Variants in BMP5 observed in about 807,000 individuals in gnomAD.
BMP5 encodes the protein bone morphogenetic protein 5.
In BMP5, 23 loss-of-function variants were observed where a neutral mutation model predicts 46.6. The observed-to-expected ratio is 0.49, with a 90% CI of 0.35 to 0.70. BMP5 has a LOEUF of 0.70. Ranked by LOEUF, BMP5 falls within the 30% of genes least tolerant of loss-of-function variation. The pLI is 0.00. For missense variants in BMP5, 545 were observed against 565.6 expected (o/e 0.96, Z 0.37); for synonymous variants, 204 against 191.9 (o/e 1.06, Z -0.52).
At chr6:55,841,591 C>G (rs1365430453) in intron 1 of BMP5, among the ~76,000 whole-genome samples, 1 of 142,432 alleles carries the variant, frequency 7.0e-6, no homozygotes, top group Non-Finnish European at 1.5e-5. Context: ...TGTCACAGGT[C>G]TGGTGGTGGT....
In BMP5 at chr6:55,760,550, C is replaced by T. The variant is rs755364451; in HGVS notation, c.1028-17G>A. 3 of 1,607,150 alleles carry T rather than the reference C, an allele frequency of 1.9e-6. No individual in the cohort carries two copies. The highest frequency in any genetic ancestry group is 1.7e-5 in the Admixed American group (1 of 59,836). On this transcript the variant is annotated splice_polypyrimidine_tract_variant and intron_variant, in intron 4 of 6. Coordinates refer to ENST00000370830, the MANE Select transcript of BMP5 (RefSeq NM_021073.4). Reference sequence around the variant, plus strand: ...TGTTATAATCTGAAGATAAAAACCACATTTTGAATAAATGGTTGCTTACAG... The same window carrying T: ...TGTTATAATCTGAAGATAAAAACCATATTTTGAATAAATGGTTGCTTACAG...
At chr6:55,867,725 G>A (rs964261393) in intron 1 of BMP5, among the ~76,000 whole-genome samples, 11 of 152,076 alleles carry the variant, frequency 7.2e-5, no homozygotes, top group African/African-American at 2.2e-4. Flanking sequence ...ATTTTCATTT[G>A]CATCAGGGTC....
chr6:55,861,562 G>A (rs373910730), intron 1 of BMP5, among the ~76,000 whole-genome samples: 1 of 152,256 alleles, frequency 6.6e-6, no homozygotes, highest in East Asian at 1.9e-4. Context: ...ACAAATGTCA[G>A]TATCTTTGGT....
chr6:55,832,561 T>C (rs1395388369), intron 1 of BMP5, among the ~76,000 whole-genome samples: 1 of 152,230 alleles, frequency 6.6e-6, no homozygotes. Flanking sequence ...TGGTTTTACA[T>C]GTACTTATAT....
At chr6:55,789,066 T>C (rs913330546) in intron 3 of BMP5, among the ~76,000 whole-genome samples, 20 of 151,896 alleles carry the variant, frequency 1.3e-4, no homozygotes, top group Non-Finnish European at 2.5e-4. Flanking sequence ...GTTTTCAAAA[T>C]GGCTCTTAAG....
intron 1 of BMP5, among the ~76,000 whole-genome samples, chr6:55,841,831 G>C (rs1362682645): frequency 6.6e-6 from 1 of 151,904 alleles, no homozygotes; most frequent in East Asian, 1.9e-4. Context: ...TCCAAATATA[G>C]TCACATTCTG....
chr6:55,779,196 A>C (rs1327874454), intron 3 of BMP5, among the ~76,000 whole-genome samples: 1 of 152,056 alleles, frequency 6.6e-6, no homozygotes, highest in Admixed American at 6.6e-5. Flanking sequence ...AGTTTGAAAA[A>C]CATTCATTTG....
At chr6:55,871,834 T>G (rs1777794303) in intron 1 of BMP5, among the ~76,000 whole-genome samples, 1 of 151,812 alleles carries the variant, frequency 6.6e-6, no homozygotes, top group Non-Finnish European at 1.5e-5. Context: ...TTTCACATAT[T>G]TAAATATCCA....
At chr6:55,852,031 A>G (rs1194853554) in intron 1 of BMP5, among the ~76,000 whole-genome samples, 3 of 152,066 alleles carry the variant, frequency 2.0e-5, no homozygotes, top group Non-Finnish European at 4.4e-5. Context: ...CCCCCAAAGT[A>G]TTGTTTTTAT....
At chr6:55,780,190 C>A (rs1466050701) in intron 3 of BMP5, among the ~76,000 whole-genome samples, 1 of 146,598 alleles carries the variant, frequency 6.8e-6, no homozygotes, top group African/African-American at 2.6e-5. Context: ...TACAAACAAG[C>A]ATAGGATTCT....
At chr6:55,761,419 T>G (rs1254940891) in intron 4 of BMP5, among the ~76,000 whole-genome samples, 3 of 152,096 alleles carry the variant, frequency 2.0e-5, no homozygotes, top group Non-Finnish European at 4.4e-5. Context: ...GAGTGAAATA[T>G]TCTCAGAGTG....
At chr6:55,799,377 A>C (rs561487819) in intron 2 of BMP5, among the ~76,000 whole-genome samples, 5 of 152,324 alleles carry the variant, frequency 3.3e-5, no homozygotes, top group African/African-American at 1.2e-4. Flanking sequence ...GTATTTACAA[A>C]AAGGGGGAAG....
At chr6:55,860,631 A>T (rs1164812225) in intron 1 of BMP5, among the ~76,000 whole-genome samples, 1 of 152,210 alleles carries the variant, frequency 6.6e-6, no homozygotes, top group Non-Finnish European at 1.5e-5. Context: ...AAGAAGCAGC[A>T]GGTGATGTCT....
At chr6:55,864,038 T>TA (rs75976345) in intron 1 of BMP5, among the ~76,000 whole-genome samples, 8 of 150,726 alleles carry the variant, frequency 5.3e-5, no homozygotes, top group Admixed American at 2.0e-4. Flanking sequence ...ATCACACATA[T>TA]AAAAAAAAAG....
At chr6:55,774,408 G>C (rs1775122486) in intron 3 of BMP5, among the ~76,000 whole-genome samples, 165 bp from the exon 4 acceptor site, 1 of 151,854 alleles carries the variant, frequency 6.6e-6, no homozygotes, top group Non-Finnish European at 1.5e-5. Context: ...TACTATTACA[G>C]ACAATTATCC....
intron 6 of BMP5, among the ~76,000 whole-genome samples, chr6:55,757,327 AT>A (rs1774633636): frequency 6.6e-6 from 1 of 151,914 alleles, no homozygotes. Context: ...GAGGCAAAGA[AT>A]TTTCTGAGAA....
At chr6:55,759,297 T>A (rs1385322818) in intron 5 of BMP5, among the ~76,000 whole-genome samples, 182 bp from the exon 6 acceptor site, 1 of 151,596 alleles carries the variant, frequency 6.6e-6, no homozygotes, top group Non-Finnish European at 1.5e-5. Flanking sequence ...TCTAATGGAA[T>A]TATCTTCCCC....
intron 1 of BMP5, among the ~76,000 whole-genome samples, chr6:55,844,994 C>T (rs1777061740): frequency 6.6e-6 from 1 of 151,782 alleles, no homozygotes; most frequent in African/African-American, 2.4e-5. Flanking sequence ...TTTAATTCAC[C>T]ATGTACGTGA....
chr6:55,822,562 A>G (rs1295588500), intron 1 of BMP5, among the ~76,000 whole-genome samples: 1 of 152,096 alleles, frequency 6.6e-6, no homozygotes, highest in Non-Finnish European at 1.5e-5. Flanking sequence ...TCATTTTTTC[A>G]TTAATATTAA....
Sources: gnomAD v4.1 joint callset for allele counts (sites outside exome capture counted in the v4.1 genomes callset) on GRCh38, gnomAD v4.1.1 for gene constraint, MANE v1.5 for transcripts, NCBI Gene and HGNC (gene_info 2026-07-23, HGNC 2026-07-21) for gene names.